The following STAG1 variants were observed in gnomAD, a reference collection of about 807,000 sequenced individuals.
STAG1 encodes the protein STAG1 cohesin complex component.
A neutral mutation model predicts 170.9 loss-of-function variants in STAG1; 26 were observed. That is an observed-to-expected ratio of 0.15 (90% confidence interval 0.11 to 0.21). STAG1 has a LOEUF of 0.21. STAG1 is among the 10% of genes least tolerant of loss of function. The pLI is 1.00. For synonymous variants in STAG1, 514 were observed against 497.7 expected (o/e 1.03, Z -0.44); for missense variants, 964 against 1,509.5 (o/e 0.64, Z 5.99).
chr3:136,661,921 G>A (rs1483166636), intron 1 of STAG1, among the ~76,000 whole-genome samples: 1 of 152,200 alleles, frequency 6.6e-6, no homozygotes, highest in Non-Finnish European at 1.5e-5. Flanking sequence ...CCAGCAAGTT[G>A]TGGAACCAAT....
At chr3:136,429,442 G>A (rs937766524) in intron 16 of STAG1, among the ~76,000 whole-genome samples, 8 of 152,140 alleles carry the variant, frequency 5.3e-5, no homozygotes, top group Non-Finnish European at 1.0e-4. Context: ...GGAACTAATA[G>A]AGGATGACTT....
intron 23 of STAG1, among the ~76,000 whole-genome samples, chr3:136,370,105 A>G (rs1031056845): frequency 1.3e-5 from 2 of 151,692 alleles, no homozygotes; most frequent in Non-Finnish European, 1.5e-5. Context: ...ACTAATTTCT[A>G]TTCTATACTT....
chr3:136,738,920 TAA>T (rs1052580686), intron 1 of STAG1, among the ~76,000 whole-genome samples: 2 of 152,194 alleles, frequency 1.3e-5, no homozygotes, highest in African/African-American at 2.4e-5. Flanking sequence ...CATTTAAAAA[TAA>T]GTCAATTTTT....
At chr3:136,704,599 A>G (rs1943172675) in intron 1 of STAG1, among the ~76,000 whole-genome samples, 1 of 151,894 alleles carries the variant, frequency 6.6e-6, no homozygotes. Context: ...AGGCCCAGGC[A>G]GGCAGATCAC....
chr3:136,425,775 G>A (rs2088103067), intron 16 of STAG1, among the ~76,000 whole-genome samples: 1 of 149,908 alleles, frequency 6.7e-6, no homozygotes, highest in Non-Finnish European at 1.5e-5. Flanking sequence ...AAGAAGATAT[G>A]TGAAAAGTGC....
intron 4 of STAG1, among the ~76,000 whole-genome samples, chr3:136,598,787 C>A (rs1283977290): frequency 1.3e-5 from 2 of 151,972 alleles, no homozygotes; most frequent in African/African-American, 4.8e-5. Flanking sequence ...TGCAATTTAC[C>A]AGGAGAATTT....
rs547514400 is a variant in STAG1 at position 136,692,474 on chromosome 3, A to G, written c.-84+59721T>C. Among the ~76,000 whole-genome samples the G allele has an allele frequency of 1.4e-4, 21 of 152,170 alleles. No individual in the cohort carries two copies. In the East Asian group the frequency reaches 3.7e-3, roughly 27 times the overall value. On this transcript the variant is annotated intron_variant, in intron 1 of 33. Coordinates refer to ENST00000383202, the MANE Select transcript of STAG1 (RefSeq NM_005862.3). Reference sequence around the variant, plus strand: ...ACATGGTGAAACCCTACCTCTACTAAAAGTACAAAAATTAGCCAGGCGTGG... The same window carrying G: ...ACATGGTGAAACCCTACCTCTACTAGAAGTACAAAAATTAGCCAGGCGTGG...
Position 136,442,368 on chromosome 3 carries a change from A to T in STAG1, c.1546+919T>A, listed in dbSNP as rs192824514. On this transcript the variant is annotated intron_variant, in intron 15 of 33. Transcript: ENST00000383202. ...GTTTGAAAACGTAACCATACACAGG[A>T]AAAAGCATTTCTAGTTCTAACGAAC... 3.2e-4 allele frequency among the ~76,000 whole-genome samples: 48 copies of T among 152,376 alleles called. No individual in the cohort carries two copies. The East Asian group carries it at 6.7e-3, about 21-fold the overall frequency.
chr3:136,404,952 G>A (rs1037582459), intron 21 of STAG1, among the ~76,000 whole-genome samples: 11 of 151,932 alleles, frequency 7.2e-5, no homozygotes, highest in African/African-American at 2.7e-4. Context: ...TCCACGTAAT[G>A]ACAGTGGAAA....
At chr3:136,531,433 T>C (rs1423745846) in intron 6 of STAG1, among the ~76,000 whole-genome samples, 1 of 150,510 alleles carries the variant, frequency 6.6e-6, no homozygotes, top group Non-Finnish European at 1.5e-5. Context: ...GGACTATAAA[T>C]CATGCTGCTA....
intron 1 of STAG1, among the ~76,000 whole-genome samples, chr3:136,639,623 A>C (rs1186719218): frequency 6.6e-6 from 1 of 152,196 alleles, no homozygotes; most frequent in Non-Finnish European, 1.5e-5. Context: ...GAGATCCTAA[A>C]AGAATTAACT....
At chr3:136,418,460 G>A (rs1415784672) in intron 20 of STAG1, among the ~76,000 whole-genome samples, 2 of 138,800 alleles carry the variant, frequency 1.4e-5, no homozygotes, top group Non-Finnish European at 1.5e-5. Context: ...CTCATTAAAT[G>A]CTCAAATTTG....
intron 6 of STAG1, among the ~76,000 whole-genome samples, chr3:136,540,160 A>G (rs1434509981): frequency 6.6e-6 from 1 of 152,168 alleles, no homozygotes; most frequent in African/African-American, 2.4e-5. Flanking sequence ...TTCACAATAT[A>G]CATGCATTTA....
chr3:136,734,415 C>CG (rs1934222853), intron 1 of STAG1, among the ~76,000 whole-genome samples: 1 of 151,998 alleles, frequency 6.6e-6, no homozygotes, highest in Non-Finnish European at 1.5e-5. Flanking sequence ...ACCTTTAAAC[C>CG]AATTTAACAA....
rs1356855585 is a variant in STAG1 at position 136,343,912 on chromosome 3, C to T, written c.3366G>A (p.Leu1122=). 1 of 1,611,120 alleles carries T rather than the reference C, an allele frequency of 6.2e-7. No homozygotes were observed. The highest frequency in any genetic ancestry group is 1.7e-5 in the Admixed American group (1 of 59,686). Residue 1122 remains leucine (L), a synonymous_variant, in exon 30 of 34, where the codon CTG becomes CTA. Transcript: ENST00000383202. ...LPAPQLTSTV[L]RENSRPMGDQ... is the part of the protein sequence containing the mutation. ...CTCCCATGGGCCGACTGTTCTCCCG[C>T]AGTACAGTGGATGTGAGTTGTGGTG...
chr3:136,540,817 G>C (rs1192916910), intron 6 of STAG1, among the ~76,000 whole-genome samples: 1 of 29,772 alleles, frequency 3.4e-5, no homozygotes. Flanking sequence ...GTGAAACTGT[G>C]TCTCCAAAAA....
intron 4 of STAG1, chr3:136,591,447 G>C (rs1938174273): frequency 3.9e-6 from 1 of 258,482 alleles, no homozygotes; most frequent in Non-Finnish European, 7.7e-6. Flanking sequence ...ATATGCACCT[G>C]TAGTCCCAGC....
intron 9 of STAG1, among the ~76,000 whole-genome samples, chr3:136,479,089 T>A (rs886131455): frequency 1.3e-5 from 2 of 150,720 alleles, no homozygotes; most frequent in African/African-American, 4.9e-5. Flanking sequence ...TTTTTTTTTT[T>A]ATTATACTTT....
chr3:136,379,340 T>C (rs1345735139), intron 22 of STAG1, among the ~76,000 whole-genome samples: 2 of 152,086 alleles, frequency 1.3e-5, no homozygotes, highest in African/African-American at 4.8e-5. Flanking sequence ...GAAGATAACA[T>C]GTAAGCTGAG....
Sources: allele counts gnomAD v4.1 joint callset (sites outside exome capture counted in the v4.1 genomes callset), GRCh38; gene constraint gnomAD v4.1.1; transcripts MANE v1.5; gene names NCBI Gene and HGNC (gene_info 2026-07-23, HGNC 2026-07-21).